MYO6: variants seen among roughly 807,000 people sequenced by gnomAD.
MYO6 encodes the protein myosin VI.
MYO6 carries 74 observed loss-of-function variants against 178.7 expected under a neutral mutation model. That is an observed-to-expected ratio of 0.41 (90% CI 0.34 to 0.50). MYO6 has a LOEUF of 0.50. Among genes scored for constraint, MYO6 ranks in the 20% least tolerant of loss-of-function variants. The pLI is 0.09. For missense variants in MYO6, 1,330 were observed against 1,547.4 expected (o/e 0.86, Z 2.36); for synonymous variants, 477 against 504.6 (o/e 0.95, Z 0.73).
chr6:75,880,325 T>G (rs1358114216), intron 22 of MYO6, among the ~76,000 whole-genome samples: 1 of 152,226 alleles, frequency 6.6e-6, no homozygotes, highest in Non-Finnish European at 1.5e-5. Context: ...ATAATTTGTT[T>G]AGCTTTACTC....
At chr6:75,755,315 C>T (rs912192172) in intron 1 of MYO6, among the ~76,000 whole-genome samples, 4 of 152,104 alleles carry the variant, frequency 2.6e-5, no homozygotes, top group Non-Finnish European at 4.4e-5. Flanking sequence ...TCTGTGTAGT[C>T]CCAAAGTAGT....
intron 1 of MYO6, among the ~76,000 whole-genome samples, chr6:75,785,498 G>T (rs1461807529): frequency 1.4e-5 from 2 of 141,118 alleles, no homozygotes; most frequent in Admixed American, 7.0e-5. Context: ...TTGAGACTGG[G>T]TATTACTGTG....
At chr6:75,809,588 G>T (rs1343003111) in intron 1 of MYO6, among the ~76,000 whole-genome samples, 1 of 152,112 alleles carries the variant, frequency 6.6e-6, no homozygotes, top group Non-Finnish European at 1.5e-5. Flanking sequence ...GACATAATAC[G>T]TGGAAGGTAT....
At chr6:75,833,956 G>A (rs1773383175) in intron 6 of MYO6, among the ~76,000 whole-genome samples, 1 of 152,184 alleles carries the variant, frequency 6.6e-6, no homozygotes, top group Non-Finnish European at 1.5e-5. Flanking sequence ...CTGAAAGCCA[G>A]CTCTGACATG....
chr6:75,796,524 T>C (rs1289830664), intron 1 of MYO6, among the ~76,000 whole-genome samples: 1 of 152,174 alleles, frequency 6.6e-6, no homozygotes, highest in Non-Finnish European at 1.5e-5. Context: ...GTATAGATGA[T>C]TTCATCACTC....
chr6:75,914,180 A>G lies in MYO6; in HGVS notation c.3557A>G (p.Gln1186Arg). 1.2e-6 allele frequency: 2 copies of G among 1,614,186 alleles called. No individual in the cohort carries two copies. Among genetic ancestry groups the G allele is most frequent in the African/African-American group, 1.3e-5 (1 of 75,056 alleles). The change falls in exon 34 of 35, where the codon CAG becomes CGG. Residue 1186 changes from glutamine (Q) to arginine (R), a missense_variant. Gln to Arg is a conservative substitution (Grantham distance 43). This residue lies in a region of MYO6 where 601 missense variants were observed against 626.1 expected (regional missense o/e 0.96). Transcript: ENST00000369977. ...IRPADQYKDP[Q>R]SKKKGWWYAH... ...CCTGCCGACCAGTACAAAGACCCTCAGAGTAAGAAAAAAGGCTGGTGGTAT... is the reference window on the plus strand; with the variant it reads ...CCTGCCGACCAGTACAAAGACCCTCGGAGTAAGAAAAAAGGCTGGTGGTAT...
At chr6:75,787,632 A>C (rs530146672) in intron 1 of MYO6, among the ~76,000 whole-genome samples, 4 of 138,720 alleles carry the variant, frequency 2.9e-5, no homozygotes, top group African/African-American at 8.0e-5. Flanking sequence ...TTTTGGGGGA[A>C]TGGAACTATT....
chr6:75,836,577 TTTTTC>T (rs778041212), intron 7 of MYO6, among the ~76,000 whole-genome samples: 4 of 151,636 alleles, frequency 2.6e-5, no homozygotes, highest in Non-Finnish European at 4.4e-5. Context: ...TTTCTTTTTC[TTTTTC>T]TTTTCTTTTT....
chr6:75,880,203 A>G, intron 22 of MYO6, 83 bp downstream of exon 22: 1 of 1,018,678 alleles, frequency 9.8e-7, no homozygotes, highest in Non-Finnish European at 1.5e-6. Flanking sequence ...GTATTTAATA[A>G]TTTGTATTAT....
At chr6:75,867,147 G>T in intron 18 of MYO6, 42 bp downstream of exon 18, 2 of 1,439,268 alleles carry the variant, frequency 1.4e-6, no homozygotes, top group South Asian at 1.3e-5. Context: ...TATTTAAAAT[G>T]AAATTATTGT....
chr6:75,773,926 G>A (rs193120624), intron 1 of MYO6, among the ~76,000 whole-genome samples: 11 of 152,260 alleles, frequency 7.2e-5, no homozygotes, highest in Admixed American at 6.5e-4. Context: ...CTATTACATA[G>A]AGATAATCAC....
At chr6:75,911,444 A>G (rs961539757) in intron 32 of MYO6, among the ~76,000 whole-genome samples, 2 of 151,860 alleles carry the variant, frequency 1.3e-5, no homozygotes, top group African/African-American at 2.4e-5. Flanking sequence ...GGTCCTCTTT[A>G]TATGTGCTTC....
chr6:75,840,385 A>C (rs893530057), intron 7 of MYO6, among the ~76,000 whole-genome samples, 200 bp from the exon 8 acceptor site: 4 of 151,376 alleles, frequency 2.6e-5, no homozygotes, highest in Admixed American at 6.6e-5. Flanking sequence ...TTGGTCTCGA[A>C]CTCCTGACCT....
chr6:75,912,574 A>G (rs1780843028), intron 33 of MYO6, among the ~76,000 whole-genome samples: 1 of 152,104 alleles, frequency 6.6e-6, no homozygotes, highest in South Asian at 2.1e-4. Flanking sequence ...AACTTACAGG[A>G]GACTTACTTC....
At chr6:75,783,269 GT>G (rs1302576139) in intron 1 of MYO6, among the ~76,000 whole-genome samples, 2 of 152,048 alleles carry the variant, frequency 1.3e-5, no homozygotes, top group Non-Finnish European at 2.9e-5. Flanking sequence ...TTCTCCTAAA[GT>G]TTTAGTTTTT....
At chr6:75,820,472 C>T (rs771649138) in intron 2 of MYO6, among the ~76,000 whole-genome samples, 1 of 152,176 alleles carries the variant, frequency 6.6e-6, no homozygotes, top group African/African-American at 2.4e-5. Flanking sequence ...CGGGTTTGGG[C>T]GATTCTCCTG....
At chr6:75,872,493 G>A (rs1777232565) in intron 19 of MYO6, among the ~76,000 whole-genome samples, 1 of 151,882 alleles carries the variant, frequency 6.6e-6, no homozygotes, top group Non-Finnish European at 1.5e-5. Flanking sequence ...AGTCTTAAGG[G>A]GCATAATTTT....
chr6:75,894,082 A>G (rs1028428576), intron 28 of MYO6, among the ~76,000 whole-genome samples: 8 of 152,186 alleles, frequency 5.3e-5, no homozygotes, highest in African/African-American at 1.2e-4. Context: ...GCAGAAGTCA[A>G]TTTCTAAGGG....
rs1340551664 is a variant in MYO6 at position 75,918,304 on chromosome 6, A to C, written c.*3292A>C. 6.6e-6 allele frequency: 1 copy of C among 151,988 alleles called. No homozygotes were observed. The highest frequency in any genetic ancestry group is 1.9e-4 in the East Asian group (1 of 5,190). 9.4% of individuals were successfully genotyped at this position (151,988 alleles called of 1,614,324 possible). ...CTAAACATGAGAATAAGGACATGTT[A>C]GAGGGGGGGAAACAGTTGTAACAAT... On this transcript the variant is annotated 3_prime_UTR_variant, in exon 35 of 35. Coordinates refer to ENST00000369977, the MANE Select transcript of MYO6 (RefSeq NM_004999.4).
Sources: allele counts gnomAD v4.1 joint callset (sites outside exome capture counted in the v4.1 genomes callset), GRCh38; gene constraint gnomAD v4.1.1; regional missense constraint gnomAD v4.1.1; transcripts MANE v1.5; gene names NCBI Gene and HGNC (gene_info 2026-07-23, HGNC 2026-07-21).